CHN2: variants seen among roughly 807,000 people sequenced by gnomAD.
CHN2 encodes the protein beta-chimaerin.
In CHN2, 35 loss-of-function variants were observed where a neutral mutation model predicts 56.3. The ratio of observed to expected loss-of-function variants is 0.62; its 90% CI spans 0.47 to 0.82. The LOEUF (loss-of-function observed/expected upper bound fraction) is 0.82, where lower values mean the gene tolerates loss of function less well. Ranked by LOEUF, CHN2 falls within the 40% of genes least tolerant of loss-of-function variation. CHN2 has a pLI of 0.00. For synonymous variants in CHN2, 210 were observed against 212.8 expected (o/e 0.99, Z 0.12); for missense variants, 491 against 580.5 (o/e 0.85, Z 1.58).
At chr7:29,240,073 C>T (rs1365542842) in intron 1 of CHN2, among the ~76,000 whole-genome samples, 2 of 152,156 alleles carry the variant, frequency 1.3e-5, no homozygotes, top group Non-Finnish European at 1.5e-5. Flanking sequence ...AATGATGATC[C>T]CACTGAATGG....
chr7:29,447,209 C>T (rs566759902), intron 6 of CHN2, among the ~76,000 whole-genome samples: 3 of 151,988 alleles, frequency 2.0e-5, no homozygotes, highest in African/African-American at 4.8e-5. Context: ...CTTAAATGGG[C>T]GTTATAACTG....
chr7:29,222,326 A>G (rs1280586282), intron 1 of CHN2, among the ~76,000 whole-genome samples: 1 of 152,216 alleles, frequency 6.6e-6, no homozygotes, highest in African/African-American at 2.4e-5. Context: ...CCATTAAGCT[A>G]CCATTGACTT....
chr7:29,218,200 C>T (rs1307168912), intron 1 of CHN2, among the ~76,000 whole-genome samples: 3 of 150,888 alleles, frequency 2.0e-5, no homozygotes, highest in African/African-American at 4.9e-5. Flanking sequence ...CACCCCCTTC[C>T]ACCCCCTCAC....
chr7:29,452,139 A>G (rs778700785), intron 6 of CHN2, among the ~76,000 whole-genome samples: 4 of 152,248 alleles, frequency 2.6e-5, no homozygotes, highest in Non-Finnish European at 4.4e-5. Context: ...TATTTTGCAT[A>G]GACCCCTACA....
In CHN2 at chr7:29,322,257, T is replaced by C. The variant is rs1795414035; in HGVS notation, c.50-32368T>C. 2.0e-5 allele frequency among the ~76,000 whole-genome samples: 3 copies of C among 152,228 alleles called. No individual in the cohort carries two copies. The East Asian group carries it at 5.8e-4, about 29-fold the overall frequency. On this transcript the variant is annotated intron_variant, in intron 1 of 12. Transcript: ENST00000222792. ...TCTGCCTTCCCTGGAACGAAATGTG[T>C]GGGCTCAGTCCTTGATTATGGTTGC...
chr7:29,365,704 G>A (rs2128038352), intron 2 of CHN2, among the ~76,000 whole-genome samples: 1 of 152,342 alleles, frequency 6.6e-6, no homozygotes, highest in South Asian at 2.1e-4. Context: ...GCTGAGCAGA[G>A]AGCATGACAC....
At chr7:29,191,533 T>C (rs1201010327), upstream of CHN2, 1 of 152,106 alleles carries the variant, frequency 6.6e-6, no homozygotes, top group African/African-American at 2.4e-5. Context: ...AGAGATTAGA[T>C]TGGAAAGGTA....
chr7:29,355,772 A>AT (rs1167339692), intron 2 of CHN2, among the ~76,000 whole-genome samples: 19,350 of 52,528 alleles, frequency 0.37, 6,506 homozygotes, highest in Non-Finnish European at 0.43. Flanking sequence ...AGATGGGACT[A>AT]TTTTTTTTTT....
chr7:29,502,319 T>C (rs145960814), intron 9 of CHN2, among the ~76,000 whole-genome samples: 151 of 152,228 alleles, frequency 9.9e-4, no homozygotes, highest in African/African-American at 2.8e-3. Flanking sequence ...CCTGCTTGAG[T>C]GCTATCCTGC....
At chr7:29,479,318 G>A (rs1347794192) in intron 6 of CHN2, among the ~76,000 whole-genome samples, 2 of 152,170 alleles carry the variant, frequency 1.3e-5, no homozygotes, top group East Asian at 3.9e-4. Flanking sequence ...TTTAGGTAAG[G>A]AATATTGTCT....
At position 29,252,895 on chromosome 7, in the gene CHN2, C is replaced by T. The variant is rs951168722; in HGVS notation, c.49+57905C>T. On this transcript the variant is annotated intron_variant, in intron 1 of 12. Coordinates refer to ENST00000222792, the MANE Select transcript of CHN2 (RefSeq NM_004067.4). ...CAGGCGTGAGCCACCGCGCCCGGCC[C>T]TCTAAAATTGCATTCTTATGCATCT... Among the ~76,000 whole-genome samples, 24 of 119,618 alleles carry T rather than the reference C, an allele frequency of 2.0e-4. 4 individuals carry two copies. Among genetic ancestry groups the T allele is most frequent in the African/African-American group, 1.4e-3 (23 of 16,872 alleles). The allele number at this position is 119,618 out of a possible 152,430, so 78.5% of individuals were successfully genotyped here.
At chr7:29,361,753 C>T (rs1039602844) in intron 2 of CHN2, among the ~76,000 whole-genome samples, 4 of 152,202 alleles carry the variant, frequency 2.6e-5, no homozygotes, top group Non-Finnish European at 5.9e-5. Context: ...GTTCCATCAC[C>T]TGCATCCTTT....
At chr7:29,324,776 A>C (rs1795676698) in intron 1 of CHN2, among the ~76,000 whole-genome samples, 1 of 152,204 alleles carries the variant, frequency 6.6e-6, no homozygotes, top group African/African-American at 2.4e-5. Flanking sequence ...TTATTCTAGA[A>C]AGAGTAAAGG....
chr7:29,450,219 T>C (rs1784311369), intron 6 of CHN2, among the ~76,000 whole-genome samples: 1 of 152,122 alleles, frequency 6.6e-6, no homozygotes, highest in Non-Finnish European at 1.5e-5. Flanking sequence ...TAAAGGAAGG[T>C]AGCAAGAATG....
chr7:29,453,125 A>G (rs971372978), intron 6 of CHN2, among the ~76,000 whole-genome samples: 1 of 152,218 alleles, frequency 6.6e-6, no homozygotes, highest in Admixed American at 6.5e-5. Context: ...CTATCTGCCA[A>G]TGGATAAATT....
chr7:29,224,362 G>A (rs1287761300), intron 1 of CHN2, among the ~76,000 whole-genome samples: 1 of 152,176 alleles, frequency 6.6e-6, no homozygotes, highest in African/African-American at 2.4e-5. Context: ...TTAAATTTTA[G>A]TTAAGTTATA....
At chr7:29,379,714 G>T (rs1360916005) in intron 3 of CHN2, among the ~76,000 whole-genome samples, 1 of 152,150 alleles carries the variant, frequency 6.6e-6, no homozygotes, top group African/African-American at 2.4e-5. Context: ...ATGTGCTCTG[G>T]CCCATGGAAC....
intron 1 of CHN2, among the ~76,000 whole-genome samples, chr7:29,241,303 A>C (rs1364042094): frequency 6.6e-6 from 1 of 152,116 alleles, no homozygotes; most frequent in African/African-American, 2.4e-5. Context: ...GAAAAGGAAG[A>C]AAAGGGGGGA....
intron 6 of CHN2, among the ~76,000 whole-genome samples, chr7:29,475,725 C>G (rs145086754): frequency 9.4e-4 from 143 of 152,314 alleles, no homozygotes; most frequent in Middle Eastern, 3.4e-3. Flanking sequence ...AGCATAAATG[C>G]ACCTTGAAAC....
Sources: gnomAD v4.1 joint callset for allele counts (sites outside exome capture counted in the v4.1 genomes callset) on GRCh38, gnomAD v4.1.1 for gene constraint, MANE v1.5 for transcripts, NCBI Gene and HGNC (gene_info 2026-07-23, HGNC 2026-07-21) for gene names.